The following TTYH2 variants were observed in gnomAD, a reference collection of about 807,000 sequenced individuals.
TTYH2 encodes the protein tweety family member 2, also known as protein tweety homolog 2.
A neutral mutation model predicts 68.3 loss-of-function variants in TTYH2; 49 were observed. The ratio of observed to expected loss-of-function variants is 0.72; its 90% CI spans 0.57 to 0.91. The LOEUF (loss-of-function observed/expected upper bound fraction) is 0.91. Among genes scored for constraint, TTYH2 ranks in the 40% least tolerant of loss-of-function variants. The pLI is 0.00. For missense variants in TTYH2, 631 were observed against 700.4 expected (o/e 0.90, Z 1.12); for synonymous variants, 272 against 300.8 (o/e 0.90, Z 0.99).
intron 3 of TTYH2, among the ~76,000 whole-genome samples, chr17:74,233,929 GCTGAC>G (rs1262275780): frequency 6.6e-6 from 1 of 152,162 alleles, no homozygotes; most frequent in East Asian, 1.9e-4. Context: ...AGGTTGCATT[GCTGAC>G]CCGAGGTTGA....
intron 1 of TTYH2, among the ~76,000 whole-genome samples, chr17:74,221,729 C>T (rs1401691042): frequency 6.6e-6 from 1 of 152,190 alleles, no homozygotes; most frequent in Non-Finnish European, 1.5e-5. Context: ...GCCTCAGGCC[C>T]CTCCGGCCCC....
At chr17:74,227,749 GTT>G (rs61337166) in intron 2 of TTYH2, among the ~76,000 whole-genome samples, 2,732 of 133,368 alleles carry the variant, frequency 0.02, 101 homozygotes, top group African/African-American at 0.077. Flanking sequence ...CAGGAACCTT[GTT>G]TTTTTTTTTG....
chr17:74,257,363 C>T lies in TTYH2; in HGVS notation c.1525-2766C>T, dbSNP rs796322816. Among the ~76,000 whole-genome samples the T allele has an allele frequency of 1.1e-4, 17 of 152,306 alleles. 1 individual carries two copies. The highest frequency in any genetic ancestry group is 3.4e-4 in the African/African-American group (14 of 41,566). Reference sequence around the variant, plus strand: ...GGGAAGACCCTTCCACCTCCATGCCCGGTAAGGGACCTAGAGAGACATCTA... The same window carrying T: ...GGGAAGACCCTTCCACCTCCATGCCTGGTAAGGGACCTAGAGAGACATCTA... On this transcript the variant is annotated intron_variant, in intron 13 of 13. Transcript: ENST00000269346.
At chr17:74,231,287 G>A (rs2050387017) in intron 3 of TTYH2, among the ~76,000 whole-genome samples, 1 of 152,236 alleles carries the variant, frequency 6.6e-6, no homozygotes, top group Non-Finnish European at 1.5e-5. Context: ...ATTTGTCAAA[G>A]GAGACCTTGA....
At chr17:74,248,622 C>CCA (rs2050585809) in intron 6 of TTYH2, 17 of 1,108,120 alleles carry the variant, frequency 1.5e-5, no homozygotes, top group Non-Finnish European at 1.9e-5. Flanking sequence ...TAACGAACTC[C>CCA]CACACACACA....
chr17:74,227,096 T>C (rs1222273700), intron 2 of TTYH2, among the ~76,000 whole-genome samples: 1 of 152,204 alleles, frequency 6.6e-6, no homozygotes, highest in Admixed American at 6.5e-5. Context: ...TGCCTCAGCC[T>C]CCTGAGTAGC....
At position 74,243,395 on chromosome 17, in the gene TTYH2, C is replaced by G. The variant is rs754465678; in HGVS notation, c.657C>G (p.Leu219=). 2 of 1,614,222 alleles carry G rather than the reference C, an allele frequency of 1.2e-6. No homozygotes were observed. The highest frequency in any genetic ancestry group is 2.2e-5 in the East Asian group (1 of 44,888). Residue 219 remains leucine, a synonymous_variant, in exon 5 of 14, where the codon CTC becomes CTG. Transcript: ENST00000269346. The stretch of plus-strand genomic sequence containing the variant: ...CCAGGTGGCTCTCCTACCTCCTGCT[C>G]TTTATCCTGGACCTGGTCATCTGCC... ...EYYRWLSYLL[L]FILDLVICLI...
At chr17:74,245,139 A>C (rs9907325) in intron 6 of TTYH2, among the ~76,000 whole-genome samples, 30,596 of 152,036 alleles carry the variant, frequency 0.2, 3,256 homozygotes, top group South Asian at 0.3. Flanking sequence ...GCCCTCAGGG[A>C]CTCTGGCACT....
chr17:74,254,443 C>T (rs2050672756), intron 13 of TTYH2, among the ~76,000 whole-genome samples: 1 of 152,220 alleles, frequency 6.6e-6, no homozygotes, highest in African/African-American at 2.4e-5. Flanking sequence ...GCTGGGATTA[C>T]AGGCATGAGC....
At chr17:74,247,904 CTG>C (rs2050576961) in intron 6 of TTYH2, 1 of 152,360 alleles carries the variant, frequency 6.6e-6, no homozygotes, top group African/African-American at 2.4e-5. Flanking sequence ...TCGGGAAGCT[CTG>C]TATCTGGAGG....
Position 74,249,094 on chromosome 17 carries a change from C to G in TTYH2, c.874+14C>G. ...AGATCAGCACAGGTAACTACACACTCTCAGGCTGCTGCTGTGGATGCATAG... is the reference window on the plus strand; with the variant it reads ...AGATCAGCACAGGTAACTACACACTGTCAGGCTGCTGCTGTGGATGCATAG... On this transcript the variant is annotated intron_variant, in intron 7 of 13. Coordinates refer to ENST00000269346, the MANE Select transcript of TTYH2 (RefSeq NM_032646.6). 2.5e-6 allele frequency: 4 copies of G among 1,614,162 alleles called. 1 individual carries two copies. Among genetic ancestry groups the G allele is most frequent in the South Asian group, 2.2e-5 (2 of 91,080 alleles).
At position 74,260,324 on chromosome 17, in the gene TTYH2, C is replaced by A; in HGVS notation, c.*115C>A. ...CATCTGGAGCCCGAGAGGCCTCCTGCTGTGGCAGAGGAGCAGCTGGGATTC... is the reference window on the plus strand; with the variant it reads ...CATCTGGAGCCCGAGAGGCCTCCTGATGTGGCAGAGGAGCAGCTGGGATTC... On this transcript the variant is annotated 3_prime_UTR_variant, in exon 14 of 14. Coordinates refer to ENST00000269346, the MANE Select transcript of TTYH2 (RefSeq NM_032646.6). 1.8e-6 allele frequency: 2 copies of A among 1,088,860 alleles called. No individual in the cohort carries two copies. Among genetic ancestry groups the A allele is most frequent in the Non-Finnish European group, 1.4e-6 (1 of 728,944 alleles). 67.4% of individuals were successfully genotyped at this position (1,088,860 alleles called of 1,614,324 possible).
In TTYH2 at chr17:74,217,770, C is replaced by T. The variant is rs888847947; in HGVS notation, c.129+4054C>T. ...CCCAGTGCAGAAGCCCCTTGGGTCC[C>T]GCTGCCATGGTCACTGCGGCCCCCA... On this transcript the variant is annotated intron_variant, in intron 1 of 13. Transcript: ENST00000269346. This position sits in a 1 kb window ranked among gnomAD's most constrained non-coding sequence, Gnocchi z 4.0. Among the ~76,000 whole-genome samples the T allele has an allele frequency of 1.3e-5, 2 of 152,200 alleles. No homozygotes were observed. The highest frequency in any genetic ancestry group is 4.8e-5 in the African/African-American group (2 of 41,454).
chr17:74,236,882 C>A (rs182418533), intron 3 of TTYH2, among the ~76,000 whole-genome samples: 22 of 147,110 alleles, frequency 1.5e-4, no homozygotes, highest in African/African-American at 5.6e-4. Context: ...CATGCCTAAG[C>A]AGGCCAGGCC....
chr17:74,252,345 G>A lies in TTYH2; in HGVS notation c.1228G>A (p.Gly410Arg). 6.2e-7 allele frequency: 1 copy of A among 1,613,810 alleles called. No homozygotes were observed. Among genetic ancestry groups the A allele is most frequent in the Non-Finnish European group, 8.5e-7 (1 of 1,180,004 alleles). ...CGCCTTCTCCACCATGATCTGTGCAGGGCCAAGGGCCTGGAAGCACTTCAC... is the reference window on the plus strand; with the variant it reads ...CGCCTTCTCCACCATGATCTGTGCAAGGCCAAGGGCCTGGAAGCACTTCAC... Reference protein sequence around the residue: ...ALAFSTMICAGPRAWKHFTTR... With the variant: ...ALAFSTMICARPRAWKHFTTR... Residue 410 changes from glycine (G) to arginine (R), a missense_variant, in exon 11 of 14, where the codon GGG becomes AGG. Physicochemically the swap from Gly to Arg is moderately radical, Grantham distance 125. Transcript: ENST00000269346.
rs2050203743 is a variant in TTYH2 at position 74,214,563 on chromosome 17, A to T, written c.129+847A>T. 6.6e-6 allele frequency among the ~76,000 whole-genome samples: 1 copy of T among 152,038 alleles called. No homozygotes were observed. ...CCCTACTCTGCTGACCCTTGGCAGG[A>T]TTCTGCACCCCACAAACAGGGCCAG... On this transcript the variant is annotated intron_variant, in intron 1 of 13. Coordinates refer to ENST00000269346, the MANE Select transcript of TTYH2 (RefSeq NM_032646.6). The surrounding 1 kb of genome is among the most constrained non-coding windows in gnomAD (Gnocchi z 4.6).
chr17:74,243,244 C>T (rs981283770), intron 4 of TTYH2, 130 bp from the exon 5 acceptor site: 3 of 750,416 alleles, frequency 4.0e-6, no homozygotes, highest in Admixed American at 4.4e-5. Context: ...TGGGTGCTTG[C>T]TGGCTCTGGG....
chr17:74,243,258 C>A, intron 4 of TTYH2, 116 bp from the exon 5 acceptor site: 1 of 842,224 alleles, frequency 1.2e-6, no homozygotes, highest in Non-Finnish European at 2.0e-6. Flanking sequence ...CTCTGGGCAG[C>A]ATGTCCATAG....
chr17:74,222,434 G>A lies in TTYH2; in HGVS notation c.130-51G>A. 3 of 1,549,212 alleles carry A rather than the reference G, an allele frequency of 1.9e-6. No individual in the cohort carries two copies. The highest frequency in any genetic ancestry group is 2.4e-5 in the South Asian group (2 of 83,012). ...GGCCCAAGGGCAGGGCACTTCCAGA[G>A]CCCCGCACTGCAGGGATGAAGAGTG... On this transcript the variant is annotated intron_variant, in intron 1 of 13. Transcript: ENST00000269346. This position sits in a 1 kb window ranked among gnomAD's most constrained non-coding sequence, Gnocchi z 5.2.
Sources: allele counts gnomAD v4.1 joint callset (sites outside exome capture counted in the v4.1 genomes callset), GRCh38; gene constraint gnomAD v4.1.1; non-coding constraint Gnocchi (gnomAD v3.1); transcripts MANE v1.5; gene names NCBI Gene and HGNC (gene_info 2026-07-23, HGNC 2026-07-21).